Variants in LONRF1 observed in about 807,000 individuals in gnomAD.
LONRF1 encodes LON peptidase N-terminal domain and ring finger 1.
In LONRF1, 37 loss-of-function variants were observed where a neutral mutation model predicts 85.8. The ratio of observed to expected loss-of-function variants is 0.43; its 90% CI spans 0.33 to 0.57. LONRF1 has a LOEUF of 0.57. LONRF1 is among the 20% of genes least tolerant of loss of function. The pLI, the probability that LONRF1 is intolerant of heterozygous loss-of-function variation, is 0.04. For missense variants in LONRF1, 1,036 were observed against 978.0 expected, an observed-to-expected ratio of 1.06 and a Z score of -0.79; for synonymous variants, 517 against 390.1, an observed-to-expected ratio of 1.33 and a Z score of -3.83.
chr8:12,728,060 T>C (rs907291268), intron 10 of LONRF1, among the ~76,000 whole-genome samples: 3 of 152,322 alleles, frequency 2.0e-5, no homozygotes, highest in Middle Eastern at 3.4e-3. Flanking sequence ...TTTGTGAAAA[T>C]ACCTAATGCC....
At chr8:12,731,610 C>T (rs1350644752) in intron 8 of LONRF1, 126 bp downstream of exon 8, 8 of 771,882 alleles carry the variant, frequency 1.0e-5, no homozygotes, top group African/African-American at 3.6e-5. Context: ...TTGAGGACCA[C>T]GGAAACAGAC....
At chr8:12,750,603 A>C (rs1381161259) in intron 1 of LONRF1, among the ~76,000 whole-genome samples, 1 of 152,250 alleles carries the variant, frequency 6.6e-6, no homozygotes, top group Non-Finnish European at 1.5e-5. Flanking sequence ...GTTTAAATTC[A>C]AATTTCTTCA....
intron 2 of LONRF1, among the ~76,000 whole-genome samples, 158 bp from the exon 3 acceptor site, chr8:12,741,154 A>G (rs1359553882): frequency 6.6e-6 from 1 of 152,136 alleles, no homozygotes; most frequent in Non-Finnish European, 1.5e-5. Context: ...GAGGCTGACA[A>G]AGGTGGATCA....
intron 10 of LONRF1, among the ~76,000 whole-genome samples, chr8:12,726,255 G>T (rs1472130027): frequency 6.6e-6 from 1 of 152,174 alleles, no homozygotes; most frequent in Non-Finnish European, 1.5e-5. Context: ...CAAAAAAGTG[G>T]ATGATAGTTG....
At chr8:12,747,555 T>C (rs1224181508) in intron 1 of LONRF1, among the ~76,000 whole-genome samples, 3 of 152,214 alleles carry the variant, frequency 2.0e-5, no homozygotes, top group African/African-American at 4.8e-5. Context: ...ATTCTAGGAA[T>C]GGGCAACAGC....
chr8:12,755,283 C>T lies in LONRF1; in HGVS notation c.138G>A (p.Glu46=). 3 of 1,245,146 alleles carry T rather than the reference C, an allele frequency of 2.4e-6. No individual in the cohort carries two copies. The highest frequency in any genetic ancestry group is 3.2e-5 in the African/African-American group (2 of 63,472). The allele number at this position is 1,245,146 out of a possible 1,614,324, so 77.1% of individuals were successfully genotyped here. A position where few individuals can be genotyped will look rare whatever the true frequency, so the allele number is the denominator to read the frequency against. The change falls in exon 1 of 12, where the codon GAG becomes GAA. Residue 46 remains glutamate, a synonymous_variant. Transcript: ENST00000398246. ...CGCGGCGGAGCAGCAGCTCCCAGCG[C>T]TCCGACTCCGCGGCCGCGCGCTCCA... is the stretch of plus-strand genomic sequence containing the variant. ...HRLERAAAES[E]RWELLLRRGE...
Position 12,735,221 on chromosome 8 carries a change from G to C in LONRF1, c.1566+65C>G, listed in dbSNP as rs962408927. 2.4e-5 allele frequency: 25 copies of C among 1,030,362 alleles called. No individual in the cohort carries two copies. The South Asian group carries it at 3.1e-4, about 13-fold the overall frequency. The allele number at this position is 1,030,362 out of a possible 1,614,324, so 63.8% of individuals were successfully genotyped here. On this transcript the variant is annotated intron_variant, in intron 7 of 11. Transcript: ENST00000398246. ...CGTGATCATCACTATTTCTATGGCTGAACAGAAATTAAACCATGCTGCCAA... is the reference window on the plus strand; with the variant it reads ...CGTGATCATCACTATTTCTATGGCTCAACAGAAATTAAACCATGCTGCCAA...
intron 7 of LONRF1, among the ~76,000 whole-genome samples, chr8:12,732,085 CAGA>C (rs1563139914): frequency 6.6e-6 from 1 of 152,198 alleles, no homozygotes; most frequent in African/African-American, 2.4e-5. Flanking sequence ...AAGCCCTGTA[CAGA>C]AGAACTGCTT....
intron 10 of LONRF1, among the ~76,000 whole-genome samples, chr8:12,726,734 T>C (rs1270478039): frequency 1.3e-5 from 2 of 152,220 alleles, no homozygotes; most frequent in East Asian, 3.8e-4. Flanking sequence ...CAGGCCTGAC[T>C]CAGCCTTTCA....
intron 1 of LONRF1, among the ~76,000 whole-genome samples, chr8:12,746,431 C>T (rs1460715232): frequency 6.6e-6 from 1 of 152,076 alleles, no homozygotes; most frequent in Non-Finnish European, 1.5e-5. Context: ...CTTACCATAC[C>T]ATTCTTTATC....
At chr8:12,748,869 T>C (rs1585257775) in intron 1 of LONRF1, among the ~76,000 whole-genome samples, 1 of 151,142 alleles carries the variant, frequency 6.6e-6, no homozygotes. Flanking sequence ...GTTACCAGGG[T>C]TGAGCTCAAA....
intron 7 of LONRF1, among the ~76,000 whole-genome samples, chr8:12,732,655 TCTTC>T (rs955624936): frequency 6.6e-5 from 10 of 152,178 alleles, no homozygotes; most frequent in Non-Finnish European, 7.3e-5. Flanking sequence ...TTTCACAAAC[TCTTC>T]CTTAATTATT....
intron 3 of LONRF1, among the ~76,000 whole-genome samples, chr8:12,739,270 T>C (rs1025802496): frequency 6.7e-6 from 1 of 150,244 alleles, no homozygotes; most frequent in Non-Finnish European, 1.5e-5. Flanking sequence ...ACAAATTCCA[T>C]TATGTTCATA....
chr8:12,726,187 G>A (rs1284737222), intron 10 of LONRF1, among the ~76,000 whole-genome samples: 1 of 152,088 alleles, frequency 6.6e-6, no homozygotes, highest in African/African-American at 2.4e-5. Context: ...CTGGTTCAGA[G>A]GTCTAATTTG....
chr8:12,739,576 T>G (rs1798851196), intron 3 of LONRF1, among the ~76,000 whole-genome samples: 1 of 152,134 alleles, frequency 6.6e-6, no homozygotes, highest in Non-Finnish European at 1.5e-5. Flanking sequence ...CATACATTTT[T>G]CAAAACTCAC....
chr8:12,733,481 C>A (rs1036241382), intron 7 of LONRF1, among the ~76,000 whole-genome samples: 2 of 152,114 alleles, frequency 1.3e-5, no homozygotes, highest in African/African-American at 4.8e-5. Context: ...GTTTTGTTCC[C>A]AATTTCAGAC....
intron 11 of LONRF1, among the ~76,000 whole-genome samples, chr8:12,723,738 A>T (rs1806028720): frequency 6.6e-6 from 1 of 152,258 alleles, no homozygotes; most frequent in Non-Finnish European, 1.5e-5. Flanking sequence ...ACATGCCCCT[A>T]GTTGACAGCC....
chr8:12,726,063 A>C (rs1798285878), intron 10 of LONRF1, 184 bp from the exon 11 acceptor site: 2 of 512,846 alleles, frequency 3.9e-6, no homozygotes, highest in Non-Finnish European at 6.7e-6. Flanking sequence ...GGCTGACCAG[A>C]CTAAAGAAAG....
At position 12,736,683 on chromosome 8, in the gene LONRF1, A is replaced by G; in HGVS notation, c.1451+18T>C. ...CTAACATAAAATATTCATCTTCTAT[A>G]AAGTTTTATATGCTTACCTCATGCA... is the stretch of plus-strand genomic sequence containing the variant. On this transcript the variant is annotated intron_variant, in intron 6 of 11. Transcript: ENST00000398246. 1 of 1,523,700 alleles carries G rather than the reference A, an allele frequency of 6.6e-7. No individual in the cohort carries two copies. Among genetic ancestry groups the G allele is most frequent in the Non-Finnish European group, 9.0e-7 (1 of 1,113,478 alleles). 94.4% of individuals were successfully genotyped at this position (1,523,700 alleles called of 1,614,324 possible).
Sources: gnomAD v4.1 joint callset for allele counts (sites outside exome capture counted in the v4.1 genomes callset) on GRCh38, gnomAD v4.1.1 for gene constraint, MANE v1.5 for transcripts, NCBI Gene and HGNC (gene_info 2026-07-23, HGNC 2026-07-21) for gene names.